ITIH5: variants seen among roughly 807,000 people sequenced by gnomAD.
ITIH5 encodes the protein inter-alpha-trypsin inhibitor heavy chain H5.
A neutral mutation model predicts 77.5 loss-of-function variants in ITIH5; 65 were observed. The ratio of observed to expected loss-of-function variants is 0.84; its 90% CI spans 0.69 to 1.03. ITIH5 has a LOEUF of 1.03. Ranked by LOEUF, ITIH5 falls within the 50% of genes least tolerant of loss-of-function variation. The probability of loss-of-function intolerance (pLI) is 0.00; values close to 1 mark genes in which losing one functional copy is unlikely to be tolerated. For synonymous variants in ITIH5, 525 were observed against 494.3 expected (o/e 1.06, Z -0.82); for missense variants, 1,208 against 1,213.1 (o/e 1.00, Z 0.06).
intron 11 of ITIH5, chr10:7,571,920 T>C (rs1327425378): frequency 2.9e-5 from 28 of 972,752 alleles, no homozygotes; most frequent in Non-Finnish European, 3.4e-5. Flanking sequence ...CCCATGGAGA[T>C]AGAGGACAAC....
Position 7,577,016 on chromosome 10 carries a change from C to T in ITIH5, c.1419-4G>A. Reference sequence around the variant, plus strand: ...GGTCCTGATTTCATCGTAGAACCTGCAGTGGAAGCACAGGGAGGGAGGGAG... The same window carrying T: ...GGTCCTGATTTCATCGTAGAACCTGTAGTGGAAGCACAGGGAGGGAGGGAG... On this transcript the variant is annotated splice_polypyrimidine_tract_variant and splice_region_variant and intron_variant, in intron 9 of 13. Transcript: ENST00000397146. The T allele has an allele frequency of 6.2e-7, 1 of 1,603,034 alleles. No homozygotes were observed.
At position 7,563,401 on chromosome 10, in the gene ITIH5, A is replaced by G; in HGVS notation, c.2528-17T>C. ...GGAACTGACCTGGGAGGACAAGGAA[A>G]AGCATCGGGTCTCAGTCAAATGCAG... On this transcript the variant is annotated splice_polypyrimidine_tract_variant and intron_variant, in intron 13 of 13. Transcript: ENST00000397146. 6.2e-7 allele frequency: 1 copy of G among 1,605,046 alleles called. No individual in the cohort carries two copies. Among genetic ancestry groups the G allele is most frequent in the Non-Finnish European group, 8.5e-7 (1 of 1,173,510 alleles).
At chr10:7,638,787 A>G (rs1467378222) in intron 4 of ITIH5, among the ~76,000 whole-genome samples, 4 of 152,244 alleles carry the variant, frequency 2.6e-5, no homozygotes, top group Admixed American at 1.3e-4. Flanking sequence ...TTTCATGGAT[A>G]TAAAGACATC....
chr10:7,596,985 G>A (rs1217000512), intron 7 of ITIH5, among the ~76,000 whole-genome samples: 2 of 131,102 alleles, frequency 1.5e-5, no homozygotes, highest in East Asian at 2.6e-4. Flanking sequence ...GGTGGAGGTT[G>A]CAGTGAGCAG....
intron 8 of ITIH5, 66 bp from the exon 9 acceptor site, chr10:7,580,130 C>T: frequency 7.3e-7 from 1 of 1,365,032 alleles, no homozygotes; most frequent in Non-Finnish European, 9.9e-7. Context: ...ATTGCACTTT[C>T]TTTTTTTTGA....
At chr10:7,598,197 AACC>A (rs1832946568) in intron 7 of ITIH5, among the ~76,000 whole-genome samples, 3 of 152,234 alleles carry the variant, frequency 2.0e-5, no homozygotes, top group East Asian at 1.9e-4. Flanking sequence ...TCCTGAAATG[AACC>A]ACATTATATA....
In ITIH5 at chr10:7,576,851, T is replaced by C. The variant is rs1262203284; in HGVS notation, c.1580A>G (p.His527Arg). ...ACTGTTGCTGGCGGTGACCTCCACG[T>C]GCAGGTGATCCAGCTTCCTGTCCAC... ...KLVDRKLDHL[H>R]VEVTASNSKK... The change falls in exon 10 of 14, where the codon CAC becomes CGC. Residue 527 changes from histidine (H) to arginine (R), a missense_variant. By Grantham distance (29) the His-to-Arg change is conservative. Coordinates refer to ENST00000397146, the MANE Select transcript of ITIH5 (RefSeq NM_030569.7). 2 of 1,614,186 alleles carry C rather than the reference T, an allele frequency of 1.2e-6. No homozygotes were observed.
At chr10:7,598,089 A>T (rs1832943259) in intron 7 of ITIH5, among the ~76,000 whole-genome samples, 2 of 152,190 alleles carry the variant, frequency 1.3e-5, no homozygotes, top group African/African-American at 4.8e-5. Flanking sequence ...ATAGTGTAAG[A>T]GTGTAAGTAA....
chr10:7,617,221 A>C lies in ITIH5; in HGVS notation c.714T>G (p.Ile238Met). The change falls in exon 6 of 14, where the codon ATT becomes ATG. Residue 238 changes from isoleucine to methionine, a missense_variant. Physicochemically the swap from Ile to Met is conservative, Grantham distance 10 (BLOSUM62 1). Transcript: ENST00000397146. The stretch of plus-strand genomic sequence containing the variant: ...CTTGTTGTACTACAGTAGGTTTAAA[A>C]ATTATGTTGGCAAATGTTTCATTTT... ...INQNETFANI[I>M]FKPTVVQQAR... The C allele has an allele frequency of 6.2e-7, 1 of 1,601,652 alleles. No homozygotes were observed. The highest frequency in any genetic ancestry group is 8.5e-7 in the Non-Finnish European group (1 of 1,174,836).
chr10:7,568,275 A>G (rs928079004), intron 12 of ITIH5, among the ~76,000 whole-genome samples: 10 of 152,198 alleles, frequency 6.6e-5, no homozygotes, highest in Non-Finnish European at 1.3e-4. Flanking sequence ...TCTTCCCAAT[A>G]AAACTTCTTA....
At chr10:7,645,574 G>T (rs1022565417) in intron 2 of ITIH5, among the ~76,000 whole-genome samples, 1 of 152,166 alleles carries the variant, frequency 6.6e-6, no homozygotes, top group Admixed American at 6.5e-5. Flanking sequence ...AGTGAAAAGG[G>T]CTTGAATAAA....
chr10:7,651,404 C>T (rs1439012896), intron 2 of ITIH5, among the ~76,000 whole-genome samples: 1 of 151,936 alleles, frequency 6.6e-6, no homozygotes, highest in Middle Eastern at 3.2e-3. Flanking sequence ...GCCAACATGG[C>T]GAAACCCATC....
chr10:7,653,496 T>C (rs1379609056), intron 2 of ITIH5, among the ~76,000 whole-genome samples: 1 of 152,036 alleles, frequency 6.6e-6, no homozygotes, highest in African/African-American at 2.4e-5. Context: ...GCGTGAGCCA[T>C]CGAGCCTGGC....
intron 10 of ITIH5, among the ~76,000 whole-genome samples, chr10:7,575,732 T>A (rs2130955066): frequency 1.3e-5 from 2 of 152,244 alleles, no homozygotes; most frequent in Non-Finnish European, 2.9e-5. Flanking sequence ...GGAAATAAAA[T>A]CAAGCACACA....
chr10:7,566,343 G>T lies in ITIH5; in HGVS notation c.2214C>A (p.Arg738=), dbSNP rs572767997. 3.4e-5 allele frequency: 55 copies of T among 1,609,378 alleles called. No homozygotes were observed. Among genetic ancestry groups the T allele is most frequent in the Non-Finnish European group, 4.7e-5 (55 of 1,176,112 alleles). ...PAPPNGHKKQ[R]TYLRTITILI... Reference sequence around the variant, plus strand: ...GGATGGTGATAGTGCGCAAGTAAGTGCGCTGTTTCTTGTGGCCATTTGGAG... The same window carrying T: ...GGATGGTGATAGTGCGCAAGTAAGTTCGCTGTTTCTTGTGGCCATTTGGAG... Residue 738 remains arginine (R), a synonymous_variant, in exon 13 of 14, where the codon CGC becomes CGA. Transcript: ENST00000397146.
rs1181637412 is a variant in ITIH5, at chr10:7,585,952, C to A, written c.1057G>T (p.Asp353Tyr). 3.7e-6 allele frequency: 6 copies of A among 1,613,882 alleles called. No individual in the cohort carries two copies. In the African/African-American group the frequency reaches 6.7e-5, roughly 18 times the overall value. The change falls in exon 8 of 14, where the codon GAC becomes TAC. Residue 353 changes from aspartate to tyrosine, a missense_variant. Coordinates refer to ENST00000397146, the MANE Select transcript of ITIH5 (RefSeq NM_030569.7). The part of the protein sequence containing the change: ...WKDHLISVTP[D>Y]SIRDGKVYIH... Reference sequence around the variant, plus strand: ...TACACTTTCCCATCCCTGATGCTGTCTGGAGTGACTGATATCAAGTGGTCC... The same window carrying A: ...TACACTTTCCCATCCCTGATGCTGTATGGAGTGACTGATATCAAGTGGTCC...
At chr10:7,566,466 C>T in intron 12 of ITIH5, 59 bp from the exon 13 acceptor site, 1 of 1,509,580 alleles carries the variant, frequency 6.6e-7, no homozygotes, top group Non-Finnish European at 9.0e-7. Flanking sequence ...TGGTGGCTCA[C>T]ACCTGTAATC....
At chr10:7,577,114 A>G in intron 9 of ITIH5, 102 bp from the exon 10 acceptor site, 1 of 1,002,834 alleles carries the variant, frequency 1.0e-6, no homozygotes, top group Non-Finnish European at 1.4e-6. Context: ...GATGCATCTG[A>G]TTTTAGAAGC....
intron 1 of ITIH5, among the ~76,000 whole-genome samples, chr10:7,662,927 CAAA>C (rs1208896269): frequency 1.3e-5 from 2 of 151,874 alleles, no homozygotes; most frequent in Admixed American, 1.3e-4. Context: ...CCCCCAAATG[CAAA>C]AATTTGCTTC....
Sources: gnomAD v4.1 joint callset for allele counts (sites outside exome capture counted in the v4.1 genomes callset) on GRCh38, gnomAD v4.1.1 for gene constraint, MANE v1.5 for transcripts, NCBI Gene and HGNC (gene_info 2026-07-23, HGNC 2026-07-21) for gene names.